Variants in ARB2A observed in about 807,000 individuals in gnomAD.
ARB2A encodes cotranscriptional regulator ARB2A.
the ARB2A span, among the ~76,000 whole-genome samples, chr5:93,631,275 C>T: frequency 6.6e-6 from 1 of 152,148 alleles, no homozygotes; most frequent in Admixed American, 6.5e-5. Flanking sequence ...CAACCTTCTC[C>T]TAGACAATAA....
chr5:93,641,108 GA>G, the ARB2A span, among the ~76,000 whole-genome samples: 1 of 151,534 alleles, frequency 6.6e-6, no homozygotes, highest in Non-Finnish European at 1.5e-5. Context: ...GCTGAGGCAG[GA>G]AAGTCACTTG....
chr5:94,055,500 A>G, the ARB2A span, among the ~76,000 whole-genome samples: 1 of 152,024 alleles, frequency 6.6e-6, no homozygotes, highest in Non-Finnish European at 1.5e-5. Context: ...ACTGTTTAGC[A>G]CTCTTCTAAC....
chr5:94,052,246 A>G, the ARB2A span, among the ~76,000 whole-genome samples: 6 of 152,186 alleles, frequency 3.9e-5, no homozygotes, highest in African/African-American at 1.4e-4. Context: ...GAAATACACT[A>G]CAGGCCAATT....
At chr5:93,683,641 T>C in the ARB2A span, 1 of 1,562,160 alleles carries the variant, frequency 6.4e-7, no homozygotes, top group African/African-American at 1.4e-5. Flanking sequence ...ATCATCTTTG[T>C]CGGCCTTTAG....
At chr5:94,046,076 A>G in the ARB2A span, among the ~76,000 whole-genome samples, 1 of 152,160 alleles carries the variant, frequency 6.6e-6, no homozygotes, top group Non-Finnish European at 1.5e-5. Context: ...CAAAGGGAGA[A>G]AACAGTGTAA....
At chr5:93,803,313 T>C in the ARB2A span, among the ~76,000 whole-genome samples, 1 of 152,060 alleles carries the variant, frequency 6.6e-6, no homozygotes, top group Admixed American at 6.6e-5. Context: ...ATTTTTGTTT[T>C]CATGGATACT....
At chr5:93,766,294 C>T in the ARB2A span, among the ~76,000 whole-genome samples, 1 of 152,020 alleles carries the variant, frequency 6.6e-6, no homozygotes, top group African/African-American at 2.4e-5. Flanking sequence ...ACTCATCTGA[C>T]AAAGGGTTAA....
At chr5:94,075,826 G>C in the ARB2A span, among the ~76,000 whole-genome samples, 16 of 152,018 alleles carry the variant, frequency 1.1e-4, no homozygotes, top group Admixed American at 7.9e-4. Flanking sequence ...GTTCCAAATG[G>C]CCATAATCAA....
At chr5:94,109,659 T>C in the ARB2A span, among the ~76,000 whole-genome samples, 2 of 152,190 alleles carry the variant, frequency 1.3e-5, no homozygotes, top group South Asian at 4.1e-4. Flanking sequence ...GCTACCTCCA[T>C]GCCTACATCC....
chr5:93,823,623 T>C, the ARB2A span, among the ~76,000 whole-genome samples: 1 of 152,176 alleles, frequency 6.6e-6, no homozygotes. Flanking sequence ...ACTGGCACTA[T>C]AATGTAGAAA....
the ARB2A span, among the ~76,000 whole-genome samples, chr5:93,922,500 C>T: frequency 6.7e-6 from 1 of 149,300 alleles, no homozygotes; most frequent in Admixed American, 6.7e-5. Flanking sequence ...GAAACCCCAT[C>T]TCTACTAAAA....
At chr5:93,760,280 G>A in the ARB2A span, among the ~76,000 whole-genome samples, 2 of 152,182 alleles carry the variant, frequency 1.3e-5, no homozygotes, top group Admixed American at 1.3e-4. Flanking sequence ...CACATCCCAT[G>A]CTCATGGATG....
At chr5:93,723,894 G>A in the ARB2A span, among the ~76,000 whole-genome samples, 1 of 152,006 alleles carries the variant, frequency 6.6e-6, no homozygotes, top group Non-Finnish European at 1.5e-5. Context: ...TGAAGCTGCT[G>A]TAAATTACTC....
At chr5:93,936,940 G>GTTTT in the ARB2A span, among the ~76,000 whole-genome samples, 5 of 133,570 alleles carry the variant, frequency 3.7e-5, no homozygotes, top group Admixed American at 7.5e-5. Flanking sequence ...AATTATAAAG[G>GTTTT]TTTTTTTTTT....
At chr5:93,892,178 C>T in the ARB2A span, among the ~76,000 whole-genome samples, 1 of 152,172 alleles carries the variant, frequency 6.6e-6, no homozygotes, top group Admixed American at 6.6e-5. Context: ...GGACAACTTG[C>T]ATTTTTTGTG....
At chr5:94,035,222 T>TACATATACATATACATATACATAC in the ARB2A span, among the ~76,000 whole-genome samples, 2 of 150,664 alleles carry the variant, frequency 1.3e-5, no homozygotes, top group African/African-American at 4.9e-5. Context: ...CATATACATA[T>TACATATACATATACATATACATAC]ACATATACAT....
At chr5:93,762,927 CA>C in the ARB2A span, among the ~76,000 whole-genome samples, 1 of 152,114 alleles carries the variant, frequency 6.6e-6, no homozygotes, top group African/African-American at 2.4e-5. Flanking sequence ...ATTTTCAACC[CA>C]GAATTTCATA....
the ARB2A span, among the ~76,000 whole-genome samples, chr5:93,770,573 A>C: frequency 6.6e-6 from 1 of 152,180 alleles, no homozygotes; most frequent in Non-Finnish European, 1.5e-5. Context: ...GTCTCAGCCC[A>C]AAATCTCCTT....
At chr5:93,854,844 C>G in the ARB2A span, among the ~76,000 whole-genome samples, 1 of 152,088 alleles carries the variant, frequency 6.6e-6, no homozygotes, top group Admixed American at 6.5e-5. Flanking sequence ...AATTTCTGTT[C>G]TTTTACATTT....
Sources: allele counts gnomAD v4.1 joint callset (sites outside exome capture counted in the v4.1 genomes callset), GRCh38; gene constraint gnomAD v4.1.1; transcripts MANE v1.5; gene names NCBI Gene and HGNC (gene_info 2026-07-23, HGNC 2026-07-21).